Variants in ALOX5 observed in about 807,000 individuals in gnomAD.
ALOX5 encodes polyunsaturated fatty acid 5-lipoxygenase.
ALOX5 carries 64 observed loss-of-function variants against 87.9 expected under a neutral mutation model. The observed-to-expected ratio is 0.73, with a 90% CI of 0.60 to 0.90. The LOEUF (loss-of-function observed/expected upper bound fraction) is 0.90, where lower values mean the gene tolerates loss of function less well. ALOX5 is among the 40% of genes least tolerant of loss of function. The pLI is 0.00. For synonymous variants in ALOX5, 388 were observed against 355.1 expected (o/e 1.09, Z -1.04); for missense variants, 822 against 907.5 (o/e 0.91, Z 1.21).
chr10:45,444,465 C>G, intron 13 of ALOX5, 179 bp downstream of exon 13: 1 of 861,104 alleles, frequency 1.2e-6, no homozygotes, highest in Non-Finnish European at 1.7e-6. Context: ...TCAGCCTGGA[C>G]AGAGCTCAGG....
intron 3 of ALOX5, among the ~76,000 whole-genome samples, chr10:45,404,057 A>G (rs748064302): frequency 1.2e-4 from 19 of 152,236 alleles, no homozygotes; most frequent in Non-Finnish European, 2.1e-4. Context: ...CTACTCATCT[A>G]AGATAACACA....
At chr10:45,387,309 T>A (rs937106060) in intron 2 of ALOX5, among the ~76,000 whole-genome samples, 1 of 152,154 alleles carries the variant, frequency 6.6e-6, no homozygotes, top group Non-Finnish European at 1.5e-5. Context: ...GGTTGTGTCA[T>A]CGTCACACAT....
intron 1 of ALOX5, among the ~76,000 whole-genome samples, chr10:45,378,223 C>T (rs1839699016): frequency 6.6e-6 from 1 of 152,152 alleles, no homozygotes; most frequent in African/African-American, 2.4e-5. Flanking sequence ...CTCCACATTG[C>T]CCCTTTACAC....
At chr10:45,387,929 C>G (rs1338476788) in intron 2 of ALOX5, among the ~76,000 whole-genome samples, 1 of 152,226 alleles carries the variant, frequency 6.6e-6, no homozygotes, top group Non-Finnish European at 1.5e-5. Context: ...GGGTTCATCT[C>G]ACTGGGGATT....
chr10:45,442,055 G>T (rs1393517452), intron 9 of ALOX5, among the ~76,000 whole-genome samples: 1 of 152,130 alleles, frequency 6.6e-6, no homozygotes, highest in Non-Finnish European at 1.5e-5. Context: ...GGCTGCAAAT[G>T]ACAAAACCCA....
intron 7 of ALOX5, among the ~76,000 whole-genome samples, chr10:45,429,960 G>A (rs111306998): frequency 2.5e-4 from 38 of 152,184 alleles, no homozygotes; most frequent in African/African-American, 8.9e-4. Flanking sequence ...ATTCAAGCCA[G>A]GTCATCTGAC....
intron 1 of ALOX5, among the ~76,000 whole-genome samples, chr10:45,375,956 A>C (rs1016826615): frequency 6.6e-6 from 1 of 152,204 alleles, no homozygotes; most frequent in African/African-American, 2.4e-5. Flanking sequence ...TGGATTCCCC[A>C]CACCTGGGGG....
At chr10:45,433,257 C>T (rs892535073) in intron 7 of ALOX5, among the ~76,000 whole-genome samples, 2 of 152,084 alleles carry the variant, frequency 1.3e-5, no homozygotes, top group African/African-American at 4.8e-5. Flanking sequence ...GTCAGAGCTT[C>T]GGCCAGCACC....
intron 4 of ALOX5, among the ~76,000 whole-genome samples, chr10:45,413,663 G>C (rs964498363): frequency 1.3e-5 from 2 of 152,214 alleles, no homozygotes; most frequent in South Asian, 2.1e-4. Flanking sequence ...GTCCCTGTTT[G>C]TAGATGACAT....
At chr10:45,414,329 C>A (rs1841186317) in intron 4 of ALOX5, among the ~76,000 whole-genome samples, 1 of 152,098 alleles carries the variant, frequency 6.6e-6, no homozygotes, top group South Asian at 2.1e-4. Context: ...CAAAAACAAG[C>A]AATGGGGAAA....
At chr10:45,419,736 T>TAAA (rs1334172090) in intron 4 of ALOX5, among the ~76,000 whole-genome samples, 2 of 36,220 alleles carry the variant, frequency 5.5e-5, no homozygotes, top group African/African-American at 1.2e-4. Flanking sequence ...GAGACCCTGT[T>TAAA]TCAAAAGGCA....
Position 45,425,118 on chromosome 10 carries a change from G to T in ALOX5, c.820G>T (p.Glu274Ter). The change falls in exon 6 of 14, where the codon GAG becomes TAG. Residue 274 changes from glutamate to a stop codon, truncating the protein, a stop_gained. Coordinates refer to ENST00000374391, the MANE Select transcript of ALOX5 (RefSeq NM_000698.5). LOFTEE classifies it high-confidence loss of function. The surrounding 1 kb of genome is among the most constrained non-coding windows in gnomAD (Gnocchi z 4.4). ...CAGCCTGGAGCGGCAGCTCAGCTTG[G>T]AGCAGGAGGTCCAGGTAGGGGTTGA... ...ECSLERQLSLEQEVQQGNIFI... is the reference protein window; with the variant it reads ...ECSLERQLSL The T allele has an allele frequency of 6.2e-7, 1 of 1,613,780 alleles. No individual in the cohort carries two copies. The highest frequency in any genetic ancestry group is 8.5e-7 in the Non-Finnish European group (1 of 1,179,964).
intron 8 of ALOX5, 121 bp from the exon 9 acceptor site, chr10:45,441,223 C>A: frequency 1.2e-6 from 1 of 817,918 alleles, no homozygotes; most frequent in South Asian, 1.6e-5. Context: ...CCAGCCTTCA[C>A]TTCCTCCCTG....
intron 1 of ALOX5, among the ~76,000 whole-genome samples, chr10:45,375,490 G>T (rs906295541): frequency 3.3e-5 from 5 of 152,186 alleles, no homozygotes; most frequent in Non-Finnish European, 7.3e-5. Context: ...GGACCAAAAA[G>T]ATTTAGACTT....
At chr10:45,436,801 A>C (rs1842074407) in intron 7 of ALOX5, among the ~76,000 whole-genome samples, 1 of 151,982 alleles carries the variant, frequency 6.6e-6, no homozygotes, top group Non-Finnish European at 1.5e-5. Context: ...GATGTTGATA[A>C]TTTGATAGGA....
At chr10:45,443,276 G>A in intron 10 of ALOX5, 60 bp downstream of exon 10, 1 of 1,588,760 alleles carries the variant, frequency 6.3e-7, no homozygotes, top group Non-Finnish European at 8.6e-7. Flanking sequence ...CTGACTACCT[G>A]GGGCGGGCCT....
chr10:45,376,808 G>T (rs371706756), intron 1 of ALOX5, among the ~76,000 whole-genome samples: 2 of 152,174 alleles, frequency 1.3e-5, no homozygotes, highest in African/African-American at 4.8e-5. Context: ...TAGTGATTCA[G>T]TCAGGACTGG....
intron 9 of ALOX5, chr10:45,441,695 G>A: frequency 2.1e-6 from 1 of 476,452 alleles, no homozygotes; most frequent in Non-Finnish European, 3.7e-6. Context: ...CAGCCTCTGG[G>A]ACCTGGGTGT....
chr10:45,391,327 G>T (rs934350858), intron 2 of ALOX5, among the ~76,000 whole-genome samples: 1 of 152,190 alleles, frequency 6.6e-6, no homozygotes, highest in Non-Finnish European at 1.5e-5. Context: ...GCTCCTAACC[G>T]CGAGTGATCC....
Sources: allele counts gnomAD v4.1 joint callset (sites outside exome capture counted in the v4.1 genomes callset), GRCh38; gene constraint gnomAD v4.1.1; non-coding constraint Gnocchi (gnomAD v3.1); transcripts MANE v1.5; gene names NCBI Gene and HGNC (gene_info 2026-07-23, HGNC 2026-07-21).